MBD5: variants seen among roughly 807,000 people sequenced by gnomAD.
The protein encoded by MBD5 is methyl-CpG-binding domain protein 5.
In MBD5, 13 loss-of-function variants were observed where a neutral mutation model predicts 117.3. That is an observed-to-expected ratio of 0.11 (90% CI 0.07 to 0.18). The LOEUF is 0.18. MBD5 is among the 10% of genes least tolerant of loss of function. The pLI is 1.00. For missense variants in MBD5, 1,879 were observed against 2,093.8 expected, an observed-to-expected ratio of 0.90 and a Z score of 2.00; for synonymous variants, 727 against 766.4, an observed-to-expected ratio of 0.95 and a Z score of 0.85.
intron 1 of MBD5, among the ~76,000 whole-genome samples, chr2:148,144,168 G>A (rs1697388582): frequency 6.6e-6 from 1 of 151,844 alleles, no homozygotes; most frequent in African/African-American, 2.4e-5. Context: ...ATCTCATTGT[G>A]GTTTTGATTT....
At chr2:148,171,483 A>G (rs1472552522) in intron 1 of MBD5, among the ~76,000 whole-genome samples, 1 of 152,216 alleles carries the variant, frequency 6.6e-6, no homozygotes, top group Non-Finnish European at 1.5e-5. Flanking sequence ...TCAACACAAT[A>G]AAGACTATGT....
intron 1 of MBD5, among the ~76,000 whole-genome samples, chr2:148,171,518 G>C (rs1698262830): frequency 6.6e-6 from 1 of 152,124 alleles, no homozygotes; most frequent in Admixed American, 6.5e-5. Flanking sequence ...ACATCATACT[G>C]AATGGGAAAA....
intron 3 of MBD5, among the ~76,000 whole-genome samples, chr2:148,291,240 G>C (rs896368487): frequency 2.0e-5 from 3 of 152,136 alleles, no homozygotes; most frequent in Admixed American, 6.5e-5. Context: ...TAGCAACAAA[G>C]CTAGCTGGGA....
rs1223980646 is a variant in MBD5 at position 148,490,416 on chromosome 2, A to G, written c.4784A>G (p.Asp1595Gly). The change falls in exon 11 of 14, where the codon GAT becomes GGT. Residue 1595 changes from aspartate to glycine, a missense_variant. Transcript: ENST00000642680. ...GATGCTAAAAGCATTAGTAGTGAAGATGACCTAAGGAACCCAGACTCCCCC... is the reference window on the plus strand; with the variant it reads ...GATGCTAAAAGCATTAGTAGTGAAGGTGACCTAAGGAACCCAGACTCCCCC... ...PSDAKSISSEDDLRNPDSPSS... is the reference protein window; with the variant it reads ...PSDAKSISSEGDLRNPDSPSS... 6.2e-7 allele frequency: 1 copy of G among 1,614,210 alleles called. No individual in the cohort carries two copies. Among genetic ancestry groups the G allele is most frequent in the Non-Finnish European group, 8.5e-7 (1 of 1,180,040 alleles).
rs144975422 is a variant in MBD5 at position 148,233,135 on chromosome 2, A to T, written c.-830-110A>T. The T allele has an allele frequency of 5.1e-3, 775 of 152,344 alleles. 12 individuals carry two copies. The highest frequency in any genetic ancestry group is 0.018 in the African/African-American group (745 of 41,580). The allele number at this position is 152,344 out of a possible 1,614,324, so 9.4% of individuals were successfully genotyped here. A position where few individuals can be genotyped will look rare whatever the true frequency, so the allele number is the denominator to read the frequency against. ...AGAGTCTAAAATTCTATGATTTTAA[A>T]TGAGACTGCATAAAAATCTCAAAAC... On this transcript the variant is annotated intron_variant, in intron 2 of 13. Coordinates refer to ENST00000642680, the MANE Select transcript of MBD5 (RefSeq NM_001378120.1).
intron 10 of MBD5, 66 bp downstream of exon 10, chr2:148,486,016 G>T: frequency 1.3e-6 from 2 of 1,509,078 alleles, no homozygotes; most frequent in Non-Finnish European, 1.8e-6. Context: ...TACTTAATTT[G>T]GGGGAAAGGG....
rs1425357742 is a variant in MBD5 at position 148,483,519 on chromosome 2, G to A, written c.2928G>A (p.Met976Ile). Residue 976 changes from methionine (M) to isoleucine (I), a missense_variant, in exon 9 of 14, where the codon ATG becomes ATA. Physicochemically the swap from Met to Ile is conservative, Grantham distance 10. Transcript: ENST00000642680. ...NAALAFLSSD[M>I]DGQVLQPVHF... is the part of the protein sequence containing the mutation. The stretch of plus-strand genomic sequence containing the variant: ...CTTTAGCTTTTCTCTCCAGTGACAT[G>A]GATGGGCAGGTATTGCAGCCTGTTC... The A allele has an allele frequency of 6.2e-7, 1 of 1,609,330 alleles. No individual in the cohort carries two copies. The highest frequency in any genetic ancestry group is 8.5e-7 in the Non-Finnish European group (1 of 1,177,484).
At chr2:148,342,008 ATAAAG>A (rs1211845404) in intron 3 of MBD5, among the ~76,000 whole-genome samples, 7 of 152,076 alleles carry the variant, frequency 4.6e-5, no homozygotes, top group African/African-American at 1.7e-4. Flanking sequence ...ACATATGAAA[ATAAAG>A]TATAGAACAT....
At chr2:148,142,793 A>T (rs1487841025) in intron 1 of MBD5, among the ~76,000 whole-genome samples, 6 of 151,850 alleles carry the variant, frequency 4.0e-5, no homozygotes, top group Non-Finnish European at 7.4e-5. Flanking sequence ...TTGAACATAT[A>T]AAAAAAATTG....
At chr2:148,233,479 A>G (rs1700033597) in intron 3 of MBD5, 84 bp downstream of exon 3, 1 of 152,188 alleles carries the variant, frequency 6.6e-6, no homozygotes, top group Admixed American at 6.6e-5. Context: ...TTTAATTTAA[A>G]ATGAAAAGTA....
At chr2:148,186,938 C>T (rs7590052) in intron 2 of MBD5, among the ~76,000 whole-genome samples, 1 of 152,118 alleles carries the variant, frequency 6.6e-6, no homozygotes, top group East Asian at 1.9e-4. Context: ...TGAAGAGAGT[C>T]TTAGAAAATA....
intron 4 of MBD5, among the ~76,000 whole-genome samples, chr2:148,345,366 TACATATAC>T (rs1368465652): frequency 8.2e-4 from 119 of 145,816 alleles, no homozygotes; most frequent in South Asian, 1.3e-3. Context: ...TATACACATA[TACATATAC>T]ACATATACAC....
At chr2:148,302,734 A>C (rs572609919) in intron 3 of MBD5, among the ~76,000 whole-genome samples, 1 of 151,960 alleles carries the variant, frequency 6.6e-6, no homozygotes, top group Admixed American at 6.6e-5. Flanking sequence ...TCCTGGTTTC[A>C]AGTGATCCAC....
Position 148,288,399 on chromosome 2 carries a change from C to CAAAAAAA in MBD5, c.-679-53806_-679-53800dup, listed in dbSNP as rs569673565. ...TGGGCGACAGAGCGAGACTCCGTCT[C>CAAAAAAA]AAAAAAAAAAAAAAAGTGATTTCTT... On this transcript the variant is annotated intron_variant, in intron 3 of 13. Coordinates refer to ENST00000642680, the MANE Select transcript of MBD5 (RefSeq NM_001378120.1). Among the ~76,000 whole-genome samples, 78 of 37,786 alleles carry CAAAAAAA rather than the reference C, an allele frequency of 2.1e-3. 4 individuals carry two copies. The highest frequency in any genetic ancestry group is 3.9e-3 in the African/African-American group (45 of 11,666). 24.8% of individuals were successfully genotyped at this position (37,786 alleles called of 152,430 possible). A position where few individuals can be genotyped will look rare whatever the true frequency, so the allele number is the denominator to read the frequency against.
chr2:148,368,254 C>A (rs1332605208), intron 4 of MBD5, among the ~76,000 whole-genome samples: 1 of 152,100 alleles, frequency 6.6e-6, no homozygotes, highest in Admixed American at 6.6e-5. Context: ...CATGTTCTCA[C>A]TCATAAGTGG....
At chr2:148,322,658 G>A (rs1439788230) in intron 3 of MBD5, among the ~76,000 whole-genome samples, 2 of 152,032 alleles carry the variant, frequency 1.3e-5, no homozygotes, top group African/African-American at 4.8e-5. Context: ...CATTGCCTTT[G>A]CACAAAATAT....
Position 148,205,138 on chromosome 2 carries a change from G to A in MBD5, c.-831+26345G>A, listed in dbSNP as rs146205339. ...GTTGCCCTGGCTAGAGTGCAGTGGC[G>A]TAATCTCGGCTCACTGTAACCTCCA... On this transcript the variant is annotated intron_variant, in intron 2 of 13. Coordinates refer to ENST00000642680, the MANE Select transcript of MBD5 (RefSeq NM_001378120.1). 2.4e-3 allele frequency among the ~76,000 whole-genome samples: 357 copies of A among 151,888 alleles called. 2 individuals are homozygous for A. Among genetic ancestry groups the A allele is most frequent in the African/African-American group, 8.0e-3 (332 of 41,398 alleles).
chr2:148,078,728 A>G (rs1054330940), intron 1 of MBD5, among the ~76,000 whole-genome samples: 2 of 152,190 alleles, frequency 1.3e-5, no homozygotes, highest in Non-Finnish European at 1.5e-5. Context: ...TTCAGAGCTG[A>G]TATCTACATT....
chr2:148,300,856 G>C (rs1355141492), intron 3 of MBD5, among the ~76,000 whole-genome samples: 5 of 152,176 alleles, frequency 3.3e-5, no homozygotes, highest in Non-Finnish European at 5.9e-5. Context: ...AGCAGTAGCA[G>C]CTACTTCCAG....
Sources: allele counts gnomAD v4.1 joint callset (sites outside exome capture counted in the v4.1 genomes callset), GRCh38; gene constraint gnomAD v4.1.1; transcripts MANE v1.5; gene names NCBI Gene and HGNC (gene_info 2026-07-23, HGNC 2026-07-21).